ZNF266: variants seen among roughly 807,000 people sequenced by gnomAD.
ZNF266 encodes zinc finger protein 1.
A neutral mutation model predicts 16.4 loss-of-function variants in ZNF266; 16 were observed. The observed-to-expected ratio is 0.98, with a 90% CI of 0.66 to 1.48. The LOEUF (loss-of-function observed/expected upper bound fraction) is 1.48. Ranked by LOEUF, ZNF266 falls within the 40% of genes most tolerant of loss-of-function variation. The pLI is 0.00. For synonymous variants in ZNF266, 262 were observed against 237.9 expected, an observed-to-expected ratio of 1.10 and a Z score of -0.93; for missense variants, 738 against 689.1, an observed-to-expected ratio of 1.07 and a Z score of -0.79.
At position 9,434,230 on chromosome 19, in the gene ZNF266, C is replaced by T. The variant is rs1442798811; in HGVS notation, c.-404G>A. 1 of 152,176 alleles carries T rather than the reference C, an allele frequency of 6.6e-6. No individual in the cohort carries two copies. The allele number at this position is 152,176 out of a possible 1,614,324, so 9.4% of individuals were successfully genotyped here. On this transcript the variant is annotated 5_prime_UTR_variant, in exon 4 of 11. It removes an upstream start codon present in the reference 5' UTR. Transcript: ENST00000592904. ...AGCTTGCATATCACTCTTTTCTTAG[C>T]ATTGCCTATTCCAAAGAAAAATAGA... is the stretch of plus-strand genomic sequence containing the variant.
chr19:9,413,521 T>A lies in ZNF266; in HGVS notation c.1605A>T (p.Glu535Asp). The change falls in exon 11 of 11, where the codon GAA becomes GAT. Residue 535 changes from glutamate to aspartate, a missense_variant. Glu to Asp is a conservative substitution (Grantham distance 45). Coordinates refer to ENST00000592904, the MANE Select transcript of ZNF266 (RefSeq NM_001370374.1). ...TGGGAAACTTAAAAGCTTTGCCACA[T>A]TCCATACACGTGAATGGTTTTTTGG... Reference protein sequence around the residue: ...HSAKKPFTCMECGKAFKFPTC... With the variant: ...HSAKKPFTCMDCGKAFKFPTC... 6.2e-7 allele frequency: 1 copy of A among 1,613,272 alleles called. No homozygotes were observed. Among genetic ancestry groups the A allele is most frequent in the East Asian group, 2.2e-5 (1 of 44,870 alleles).
At chr19:9,414,856 T>C (rs2122757124) in intron 10 of ZNF266, 136 bp from the exon 11 acceptor site, 1 of 981,076 alleles carries the variant, frequency 1.0e-6, no homozygotes, top group Non-Finnish European at 1.4e-6. Context: ...AGTAATGCCC[T>C]TTTGATTTCT....
chr19:9,415,826 GTTTTCTTT>G, intron 9 of ZNF266, 84 bp from the exon 10 acceptor site: 1 of 1,236,444 alleles, frequency 8.1e-7, no homozygotes, highest in South Asian at 1.2e-5. Context: ...ATTTGTACTT[GTTTTCTTT>G]TTTTCTTGAG....
intron 9 of ZNF266, among the ~76,000 whole-genome samples, chr19:9,416,360 TTTTTG>T (rs1274542639): frequency 0.021 from 2,876 of 139,448 alleles, 48 homozygotes; most frequent in African/African-American, 0.066. Context: ...TTGTTTTTGT[TTTTTG>T]TTTTTTTTTT....
chr19:9,419,549 T>C (rs1047488003), intron 6 of ZNF266: 7 of 152,180 alleles, frequency 4.6e-5, no homozygotes, highest in African/African-American at 1.7e-4. Flanking sequence ...TAAGGAAAAC[T>C]TCTCTTCCCT....
rs919133950 is a variant in ZNF266 at position 9,418,649 on chromosome 19, T to C, written c.109-18A>G. 8.0e-5 allele frequency: 99 copies of C among 1,233,664 alleles called. No homozygotes were observed. The highest frequency in any genetic ancestry group is 7.6e-4 in the Middle Eastern group (4 of 5,294). 76.4% of individuals were successfully genotyped at this position (1,233,664 alleles called of 1,614,324 possible). ...ACTGAATCCTAAACCATCACACACA[T>C]GCTGGCTTGAGCCACAAAACATGTC... On this transcript the variant is annotated intron_variant, in intron 7 of 10. Coordinates refer to ENST00000592904, the MANE Select transcript of ZNF266 (RefSeq NM_001370374.1).
In ZNF266 at chr19:9,413,020, G is replaced by A. The variant is rs200835189; in HGVS notation, c.*255C>T. ...CATTAAGGTTTGTGGGATTCAGAAA[G>A]GTATTCCCAGATTCTCTACATTCAT... On this transcript the variant is annotated 3_prime_UTR_variant, in exon 11 of 11. Transcript: ENST00000592904. The A allele has an allele frequency of 4.0e-6, 2 of 505,784 alleles. No homozygotes were observed. The highest frequency in any genetic ancestry group is 3.8e-5 in the African/African-American group (2 of 51,950). The allele number at this position is 505,784 out of a possible 1,614,324, so 31.3% of individuals were successfully genotyped here. A position where few individuals can be genotyped will look rare whatever the true frequency, so the allele number is the denominator to read the frequency against.
chr19:9,421,718 C>T (rs1666350414), intron 5 of ZNF266, among the ~76,000 whole-genome samples: 2 of 152,178 alleles, frequency 1.3e-5, no homozygotes, highest in Admixed American at 1.3e-4. Context: ...CTAAAATCTC[C>T]CACTGCAACT....
chr19:9,418,635 A>C lies in ZNF266; in HGVS notation c.109-4T>G. 2 of 1,334,220 alleles carry C rather than the reference A, an allele frequency of 1.5e-6. No homozygotes were observed. Among genetic ancestry groups the C allele is most frequent in the East Asian group, 2.3e-5 (1 of 43,570 alleles). 82.6% of individuals were successfully genotyped at this position (1,334,220 alleles called of 1,614,324 possible). A position where few individuals can be genotyped will look rare whatever the true frequency, so the allele number is the denominator to read the frequency against. The stretch of plus-strand genomic sequence containing the variant: ...GATCATCAAAAGTCACTGAATCCTA[A>C]ACCATCACACACATGCTGGCTTGAG... On this transcript the variant is annotated splice_region_variant and splice_polypyrimidine_tract_variant and intron_variant, in intron 7 of 10. Transcript: ENST00000592904.
At chr19:9,416,365 GT>G (rs746930588) in intron 9 of ZNF266, among the ~76,000 whole-genome samples, 100 of 93,736 alleles carry the variant, frequency 1.1e-3, no homozygotes, top group Non-Finnish European at 1.3e-3. Flanking sequence ...TTTGTTTTTT[GT>G]TTTTTTTTTT....
intron 9 of ZNF266, among the ~76,000 whole-genome samples, chr19:9,417,391 AAAT>A (rs2069200690): frequency 6.6e-6 from 1 of 151,664 alleles, no homozygotes; most frequent in African/African-American, 2.4e-5. Context: ...AAAATAAAAA[AAAT>A]AATGGCCTCA....
intron 5 of ZNF266, among the ~76,000 whole-genome samples, chr19:9,430,815 G>A (rs2071476702): frequency 6.6e-6 from 1 of 152,160 alleles, no homozygotes; most frequent in Non-Finnish European, 1.5e-5. Flanking sequence ...ACCACGCTGG[G>A]AAAGCCTGAG....
At chr19:9,418,398 C>A in intron 8 of ZNF266, 107 bp downstream of exon 8, 1 of 1,245,594 alleles carries the variant, frequency 8.0e-7, no homozygotes, top group Non-Finnish European at 1.2e-6. Flanking sequence ...GGGACTATGT[C>A]TGTTATTTCC....
At chr19:9,431,483 C>CA in intron 5 of ZNF266, among the ~76,000 whole-genome samples, 1 of 152,216 alleles carries the variant, frequency 6.6e-6, no homozygotes, top group East Asian at 1.9e-4. Flanking sequence ...GGCCTCCGAA[C>CA]GTGAACACTG....
chr19:9,424,917 T>TA (rs1568417413), intron 5 of ZNF266, among the ~76,000 whole-genome samples: 1 of 152,212 alleles, frequency 6.6e-6, no homozygotes, highest in Admixed American at 6.5e-5. Flanking sequence ...GAAATTCCTA[T>TA]GTGTGTAGGA....
chr19:9,433,150 C>A (rs568229732), intron 5 of ZNF266, among the ~76,000 whole-genome samples: 1 of 152,170 alleles, frequency 6.6e-6, no homozygotes, highest in Admixed American at 6.5e-5. Flanking sequence ...ATGGGAAGAA[C>A]GTGCAGAATC....
chr19:9,413,971 G>C lies in ZNF266; in HGVS notation c.1155C>G (p.His385Gln). 1 of 1,614,172 alleles carries C rather than the reference G, an allele frequency of 6.2e-7. No individual in the cohort carries two copies. The highest frequency in any genetic ancestry group is 8.5e-7 in the Non-Finnish European group (1 of 1,180,038). The stretch of plus-strand genomic sequence containing the variant: ...TACATTCAAAGGGATCCTTTGCAGT[G>C]TGAGTTTTTAAATGTTCAGTAAGTT... ...SSQLTEHLKT[H>Q]TAKDPFECKI... Residue 385 changes from histidine to glutamine, a missense_variant, in exon 11 of 11, where the codon CAC becomes CAG. Transcript: ENST00000592904.
At position 9,413,045 on chromosome 19, in the gene ZNF266, T is replaced by C. The variant is rs1203211269; in HGVS notation, c.*230A>G. 4 of 550,854 alleles carry C rather than the reference T, an allele frequency of 7.3e-6. No individual in the cohort carries two copies. Among genetic ancestry groups the C allele is most frequent in the East Asian group, 3.0e-5 (1 of 32,966 alleles). 34.1% of individuals were successfully genotyped at this position (550,854 alleles called of 1,614,324 possible). ...GGTATTCCCAGATTCTCTACATTCATACAGTTTCTCTCCAGTGAGATTTCT... is the reference window on the plus strand; with the variant it reads ...GGTATTCCCAGATTCTCTACATTCACACAGTTTCTCTCCAGTGAGATTTCT... On this transcript the variant is annotated 3_prime_UTR_variant, in exon 11 of 11. Coordinates refer to ENST00000592904, the MANE Select transcript of ZNF266 (RefSeq NM_001370374.1).
Position 9,414,235 on chromosome 19 carries a change from G to A in ZNF266, c.891C>T (p.His297=). Residue 297 remains histidine, a synonymous_variant, in exon 11 of 11, where the codon CAC becomes CAT. Coordinates refer to ENST00000592904, the MANE Select transcript of ZNF266 (RefSeq NM_001370374.1). ...GFRYSAYLNI[H]MGTHTGDNPY... ...GATTGTCTCCAGTGTGGGTTCCCAT[G>A]TGAATATTAAGGTATGCAGAATATC... 6.2e-7 allele frequency: 1 copy of A among 1,614,190 alleles called. No individual in the cohort carries two copies. The highest frequency in any genetic ancestry group is 8.5e-7 in the Non-Finnish European group (1 of 1,180,036).
Sources: gnomAD v4.1 joint callset for allele counts (sites outside exome capture counted in the v4.1 genomes callset) on GRCh38, gnomAD v4.1.1 for gene constraint, MANE v1.5 for transcripts, NCBI Gene and HGNC (gene_info 2026-07-23, HGNC 2026-07-21) for gene names.